TLK1: variants seen among roughly 807,000 people sequenced by gnomAD.
TLK1 encodes the protein tousled like kinase 1.
Under a neutral mutation model 105.3 loss-of-function variants are expected in TLK1, and 24 were observed. The ratio of observed to expected loss-of-function variants is 0.23; its 90% CI spans 0.17 to 0.32. The LOEUF (loss-of-function observed/expected upper bound fraction) is 0.32. TLK1 is among the 10% of genes least tolerant of loss of function. The pLI is 1.00. For missense variants in TLK1, 558 were observed against 910.5 expected, an observed-to-expected ratio of 0.61 and a Z score of 4.98; for synonymous variants, 321 against 310.4, an observed-to-expected ratio of 1.03 and a Z score of -0.36.
In TLK1 at chr2:171,028,405, C is replaced by T; in HGVS notation, c.1170G>A (p.Leu390=). Residue 390 remains leucine (L), a splice_region_variant and synonymous_variant, in exon 12 of 21, where the codon CTG becomes CTA. Transcript: ENST00000431350. ...DPFVRPNLPQ[L]LTLAEYHEQE... is the part of the protein sequence containing the mutation. ...GTTCATGATATTCTGCCAAAGTCAA[C>T]CTGTCAAAAATGAAATTTTAATTCT... 1 of 1,602,032 alleles carries T rather than the reference C, an allele frequency of 6.2e-7. No individual in the cohort carries two copies. Among genetic ancestry groups the T allele is most frequent in the Non-Finnish European group, 8.5e-7 (1 of 1,170,748 alleles).
intron 18 of TLK1, among the ~76,000 whole-genome samples, chr2:171,000,584 CAA>C: frequency 6.6e-6 from 1 of 151,842 alleles, no homozygotes. Flanking sequence ...TGGATTATGA[CAA>C]AAGTTTTCAT....
upstream of TLK1, among the ~76,000 whole-genome samples, chr2:171,165,784 A>C (rs186055556): frequency 6.6e-6 from 1 of 151,818 alleles, no homozygotes; most frequent in Non-Finnish European, 1.5e-5. Context: ...GGTGGCGCAC[A>C]CCTGTAATCC....
intron 11 of TLK1, among the ~76,000 whole-genome samples, chr2:171,028,858 AAGTAAC>A (rs1349523764): frequency 1.3e-5 from 2 of 152,234 alleles, no homozygotes; most frequent in Non-Finnish European, 2.9e-5. Context: ...AAATAAGTTT[AAGTAAC>A]AGTAAGTGTC....
chr2:171,015,698 CAT>C lies in TLK1; in HGVS notation c.1237-752_1237-751del, dbSNP rs369806941. Among the ~76,000 whole-genome samples the C allele has an allele frequency of 9.0e-4, 135 of 149,228 alleles. 2 individuals are homozygous for C. Among genetic ancestry groups the C allele is most frequent in the African/African-American group, 2.9e-3 (118 of 40,090 alleles). ...CATGTCATTCATTCATACACACACA[CAT>C]ATACACACACACACACACACACACA... is the stretch of plus-strand genomic sequence containing the variant. On this transcript the variant is annotated intron_variant, in intron 12 of 20. Coordinates refer to ENST00000431350, the MANE Select transcript of TLK1 (RefSeq NM_012290.5).
chr2:171,102,474 T>G (rs1689731581), intron 2 of TLK1, among the ~76,000 whole-genome samples: 1 of 152,204 alleles, frequency 6.6e-6, no homozygotes, highest in Non-Finnish European at 1.5e-5. Context: ...TTATAACATT[T>G]ACCCTTCTTT....
At chr2:171,224,665 T>C (rs1488595434) in intron 1 of TLK1, among the ~76,000 whole-genome samples, 2 of 152,156 alleles carry the variant, frequency 1.3e-5, no homozygotes, top group African/African-American at 4.8e-5. Context: ...CCTATAAAAA[T>C]CCCAGCTACT....
rs1558905729 is a variant in TLK1 at position 171,046,353 on chromosome 2, T to C, written c.990A>G (p.Glu330=). ...TATCTTCCCTTTGCTGATTCACCCATTCTTGTTGCCTGTGTAAAAATAAAC... is the reference window on the plus strand; with the variant it reads ...TATCTTCCCTTTGCTGATTCACCCACTCTTGTTGCCTGTGTAAAAATAAAC... ...FAFQNLVKQQ[E]WVNQQREDIE... is the part of the protein sequence containing the mutation. The change falls in exon 11 of 21, where the codon GAA becomes GAG. Residue 330 remains glutamate (E), a synonymous_variant. Coordinates refer to ENST00000431350, the MANE Select transcript of TLK1 (RefSeq NM_012290.5). 3 of 1,604,154 alleles carry C rather than the reference T, an allele frequency of 1.9e-6. No homozygotes were observed. Among genetic ancestry groups the C allele is most frequent in the Non-Finnish European group, 2.6e-6 (3 of 1,176,206 alleles).
chr2:171,025,345 T>C (rs959342000), intron 12 of TLK1, among the ~76,000 whole-genome samples: 1 of 152,226 alleles, frequency 6.6e-6, no homozygotes, highest in African/African-American at 2.4e-5. Context: ...GGTCTTTCTA[T>C]TCTCCTATGT....
At chr2:171,206,103 A>G (rs1344882763) in intron 1 of TLK1, among the ~76,000 whole-genome samples, 1 of 152,232 alleles carries the variant, frequency 6.6e-6, no homozygotes, top group Non-Finnish European at 1.5e-5. Context: ...ACAACTGAAG[A>G]TGGGAAAAAT....
chr2:171,026,598 T>G (rs909233398), intron 12 of TLK1, among the ~76,000 whole-genome samples: 2 of 152,164 alleles, frequency 1.3e-5, no homozygotes, highest in Non-Finnish European at 2.9e-5. Flanking sequence ...AACTCTCAAG[T>G]ACACCTTGGA....
intron 1 of TLK1, among the ~76,000 whole-genome samples, chr2:171,220,370 A>G (rs1175684981): frequency 1.3e-5 from 2 of 152,166 alleles, no homozygotes; most frequent in Non-Finnish European, 2.9e-5. Flanking sequence ...AGCTCCCACA[A>G]GGAATGAGAG....
chr2:170,998,072 AT>A (rs1684156354), intron 18 of TLK1, among the ~76,000 whole-genome samples: 1 of 86,212 alleles, frequency 1.2e-5, no homozygotes, highest in African/African-American at 3.5e-5. Context: ...CTATCTATCT[AT>A]CTATCTATCT....
At chr2:171,006,109 C>A in intron 18 of TLK1, 38 bp downstream of exon 18, 2 of 1,470,072 alleles carry the variant, frequency 1.4e-6, no homozygotes, top group Non-Finnish European at 1.8e-6. Flanking sequence ...CACTGGGCAC[C>A]AATCTAGACA....
At chr2:171,079,148 C>T (rs769933752) in intron 3 of TLK1, among the ~76,000 whole-genome samples, 8 of 152,196 alleles carry the variant, frequency 5.3e-5, no homozygotes, top group Non-Finnish European at 1.0e-4. Context: ...TTAAACCAAA[C>T]GACTTGTCAT....
At chr2:171,035,042 TA>T (rs1400840447) in intron 11 of TLK1, among the ~76,000 whole-genome samples, 1 of 151,954 alleles carries the variant, frequency 6.6e-6, no homozygotes, top group Non-Finnish European at 1.5e-5. Flanking sequence ...CTGATGGCTT[TA>T]AAAAGGGGAG....
intron 2 of TLK1, among the ~76,000 whole-genome samples, chr2:171,086,756 G>C (rs1200240846): frequency 6.6e-6 from 1 of 152,084 alleles, no homozygotes; most frequent in Non-Finnish European, 1.5e-5. Flanking sequence ...TGCACAAACA[G>C]CAGTTGAAAC....
intron 1 of TLK1, among the ~76,000 whole-genome samples, chr2:171,230,947 G>A (rs1443390810): frequency 1.3e-5 from 2 of 152,076 alleles, no homozygotes; most frequent in African/African-American, 4.8e-5. Flanking sequence ...GACATTAAAG[G>A]GCATTTTACT....
intron 1 of TLK1, among the ~76,000 whole-genome samples, chr2:171,207,790 G>A (rs1379845333): frequency 1.3e-5 from 2 of 151,848 alleles, no homozygotes; most frequent in Non-Finnish European, 2.9e-5. Flanking sequence ...GCATGATCTC[G>A]GCTCACTGCA....
intron 2 of TLK1, among the ~76,000 whole-genome samples, chr2:171,108,510 T>C (rs1690030348): frequency 1.3e-5 from 2 of 151,866 alleles, no homozygotes; most frequent in African/African-American, 4.8e-5. Flanking sequence ...TAACAATAAT[T>C]ACAAAAAATG....
Sources: gnomAD v4.1 joint callset for allele counts (sites outside exome capture counted in the v4.1 genomes callset) on GRCh38, gnomAD v4.1.1 for gene constraint, MANE v1.5 for transcripts, NCBI Gene and HGNC (gene_info 2026-07-23, HGNC 2026-07-21) for gene names.